The following DEPDC5 variants were observed in gnomAD, a reference collection of about 807,000 sequenced individuals.
DEPDC5 encodes DEP domain containing 5, GATOR1 subcomplex subunit, also known as GATOR1 complex protein DEPDC5.
A neutral mutation model predicts 217.3 loss-of-function variants in DEPDC5; 73 were observed. That is an observed-to-expected ratio of 0.34 (90% CI 0.28 to 0.41). The LOEUF (loss-of-function observed/expected upper bound fraction) is 0.41. Ranked by LOEUF, DEPDC5 falls within the 10% of genes least tolerant of loss-of-function variation. The pLI is 1.00. For missense variants in DEPDC5, 1,675 were observed against 2,070.1 expected, an observed-to-expected ratio of 0.81 and a Z score of 3.70; for synonymous variants, 733 against 756.7, an observed-to-expected ratio of 0.97 and a Z score of 0.51.
intron 38 of DEPDC5, among the ~76,000 whole-genome samples, chr22:31,883,913 A>T (rs942817084): frequency 6.6e-6 from 1 of 151,996 alleles, no homozygotes. Context: ...CTTCCCCTCT[A>T]TGCCATCCCT....
chr22:31,881,291 CAAAA>C (rs67347332), intron 38 of DEPDC5, among the ~76,000 whole-genome samples: 2 of 107,210 alleles, frequency 1.9e-5, no homozygotes, highest in Admixed American at 1.0e-4. Flanking sequence ...CTCCATCTCT[CAAAA>C]AAAAAAAAAA....
chr22:31,754,715 T>G (rs2075171342), intron 1 of DEPDC5, 147 bp from the exon 2 acceptor site: 1 of 603,366 alleles, frequency 1.7e-6, no homozygotes, highest in Non-Finnish European at 2.9e-6. Context: ...CATCGCTCCT[T>G]GTAACTGGAG....
chr22:31,865,201 A>G (rs933881226), intron 33 of DEPDC5, among the ~76,000 whole-genome samples: 3 of 152,136 alleles, frequency 2.0e-5, no homozygotes, highest in South Asian at 2.1e-4. Context: ...ATGTAAAAAT[A>G]TAAGTAACGC....
At chr22:31,816,311 A>T (rs1250694656) in intron 21 of DEPDC5, 4 of 151,606 alleles carry the variant, frequency 2.6e-5, no homozygotes, top group Admixed American at 1.3e-4. Context: ...AAAAAAAAAA[A>T]CAAAAAACTT....
chr22:31,822,937 A>T, intron 24 of DEPDC5, 147 bp downstream of exon 24: 1 of 716,800 alleles, frequency 1.4e-6, no homozygotes, highest in Non-Finnish European at 2.3e-6. Context: ...ACAGTGCTCT[A>T]TAATGCATGG....
At chr22:31,892,864 T>C (rs1022749671) in intron 38 of DEPDC5, among the ~76,000 whole-genome samples, 2 of 149,570 alleles carry the variant, frequency 1.3e-5, no homozygotes, top group Non-Finnish European at 3.0e-5. Context: ...GTTCACTCTT[T>C]GGTGGTGTAT....
chr22:31,809,097 C>T (rs964470112), intron 18 of DEPDC5, among the ~76,000 whole-genome samples: 3 of 152,096 alleles, frequency 2.0e-5, no homozygotes, highest in African/African-American at 7.2e-5. Flanking sequence ...TGAAAAAGAT[C>T]TTTAAGAAAA....
At chr22:31,877,372 G>A (rs2093024254) in intron 37 of DEPDC5, among the ~76,000 whole-genome samples, 1 of 139,822 alleles carries the variant, frequency 7.2e-6, no homozygotes, top group Admixed American at 7.8e-5. Context: ...AGGAGGCAGA[G>A]GTTGCAGTAA....
chr22:31,760,754 T>C (rs1266451909), intron 4 of DEPDC5, 52 bp downstream of exon 4: 1 of 1,426,988 alleles, frequency 7.0e-7, no homozygotes. Context: ...CCTCAGAAAC[T>C]GTAAGAAATC....
Position 31,861,452 on chromosome 22 carries a change from C to T in DEPDC5, c.3330+19C>T. On this transcript the variant is annotated intron_variant, in intron 33 of 42. Coordinates refer to ENST00000651528, the MANE Select transcript of DEPDC5 (RefSeq NM_001242896.3). Reference sequence around the variant, plus strand: ...CCCTCAGGTTAGTCCAACTCCAGGGCTTCGCATGCCTGTCCCACTGGCAGA... The same window carrying T: ...CCCTCAGGTTAGTCCAACTCCAGGGTTTCGCATGCCTGTCCCACTGGCAGA... The T allele has an allele frequency of 1.9e-6, 3 of 1,551,302 alleles. No individual in the cohort carries two copies. Among genetic ancestry groups the T allele is most frequent in the Non-Finnish European group, 2.6e-6 (3 of 1,146,802 alleles).
rs769562009 is a variant in DEPDC5 at position 31,766,682 on chromosome 22, T to A, written c.363+14T>A. 188 of 1,610,246 alleles carry A rather than the reference T, an allele frequency of 1.2e-4. No homozygotes were observed. The highest frequency in any genetic ancestry group is 3.2e-4 in the Admixed American group (19 of 59,428). On this transcript the variant is annotated intron_variant, in intron 6 of 42. Transcript: ENST00000651528. ...AAGAAAAGTTTGGTAAGATGTGATT[T>A]TTTTTGAAAGTCTGTTACTTTTTCC...
intron 14 of DEPDC5, among the ~76,000 whole-genome samples, chr22:31,799,416 G>A (rs906541800): frequency 1.7e-4 from 25 of 150,634 alleles, no homozygotes; most frequent in African/African-American, 5.1e-4. Flanking sequence ...ATAGATATAC[G>A]TGTGCCATGG....
intron 38 of DEPDC5, chr22:31,891,368 C>CT (rs2093435487): frequency 3.2e-6 from 1 of 308,248 alleles, no homozygotes; most frequent in African/African-American, 2.3e-5. Flanking sequence ...CTCAGCAGCT[C>CT]TTTCAGGCGT....
intron 31 of DEPDC5, among the ~76,000 whole-genome samples, chr22:31,854,576 A>G (rs990367477): frequency 2.6e-5 from 4 of 152,232 alleles, no homozygotes; most frequent in Non-Finnish European, 4.4e-5. Context: ...GTCACTGTGT[A>G]TAGTCTCTGA....
chr22:31,875,958 C>T lies in DEPDC5; in HGVS notation c.3697-199C>T, dbSNP rs981078135. 7 of 519,984 alleles carry T rather than the reference C, an allele frequency of 1.3e-5. No homozygotes were observed. The Admixed American group carries it at 2.2e-4, about 17-fold the overall frequency. 32.2% of individuals were successfully genotyped at this position (519,984 alleles called of 1,614,324 possible). ...ATCTGAATTTCTTCATGCCCTTCTG[C>T]ATGTTTGAAATATTTGATGATGATA... On this transcript the variant is annotated intron_variant, in intron 36 of 42. Transcript: ENST00000651528.
intron 26 of DEPDC5, 30 bp from the exon 27 acceptor site, chr22:31,838,655 T>C (rs2091200258): frequency 6.2e-7 from 1 of 1,610,606 alleles, no homozygotes; most frequent in African/African-American, 1.3e-5. Context: ...GGGCCAAGCA[T>C]CTGTATGAGC....
intron 31 of DEPDC5, among the ~76,000 whole-genome samples, chr22:31,849,375 G>T (rs1260592385): frequency 1.3e-5 from 2 of 152,166 alleles, no homozygotes; most frequent in African/African-American, 4.8e-5. Context: ...CATGGCTGGG[G>T]AGGCCTCAGG....
At chr22:31,848,164 G>A (rs1416580440) in intron 31 of DEPDC5, among the ~76,000 whole-genome samples, 1 of 152,222 alleles carries the variant, frequency 6.6e-6, no homozygotes, top group East Asian at 1.9e-4. Context: ...TGGCTCTGCA[G>A]GGTACCACCC....
At chr22:31,761,662 CAAAAA>C in intron 4 of DEPDC5, among the ~76,000 whole-genome samples, 1 of 97,458 alleles carries the variant, frequency 1.0e-5, no homozygotes, top group African/African-American at 3.9e-5. Flanking sequence ...GACCCTATCT[CAAAAA>C]AAAAAAAAAA....
Sources: gnomAD v4.1 joint callset for allele counts (sites outside exome capture counted in the v4.1 genomes callset) on GRCh38, gnomAD v4.1.1 for gene constraint, MANE v1.5 for transcripts, NCBI Gene and HGNC (gene_info 2026-07-23, HGNC 2026-07-21) for gene names.